Variants in NCKAP5L observed in about 807,000 individuals in gnomAD.
NCKAP5L encodes nck-associated protein 5-like.
NCKAP5L carries 54 observed loss-of-function variants against 103.2 expected under a neutral mutation model. The ratio of observed to expected loss-of-function variants is 0.52; its 90% CI spans 0.42 to 0.66. The LOEUF is 0.66. Among genes scored for constraint, NCKAP5L ranks in the 30% least tolerant of loss-of-function variants. The pLI, the probability that NCKAP5L is intolerant of heterozygous loss-of-function variation, is 0.00. For synonymous variants in NCKAP5L, 762 were observed against 748.6 expected (o/e 1.02, Z -0.29); for missense variants, 1,733 against 1,750.6 (o/e 0.99, Z 0.18).
At chr12:49,807,901 G>C (rs1375199273) in intron 1 of NCKAP5L, among the ~76,000 whole-genome samples, 1 of 152,226 alleles carries the variant, frequency 6.6e-6, no homozygotes, top group African/African-American at 2.4e-5. Context: ...TGAGGGAAAG[G>C]AATGGGATGA....
rs1415536436 is a variant in NCKAP5L, at chr12:49,796,801, G to C, written c.1059C>G (p.Asp353Glu). 2 of 1,613,608 alleles carry C rather than the reference G, an allele frequency of 1.2e-6. No homozygotes were observed. Among genetic ancestry groups the C allele is most frequent in the Non-Finnish European group, 1.7e-6 (2 of 1,179,832 alleles). ...AGGATGACTGCCCAGGACCTGGGTG[G>C]TCCCCATTGAGTGGGCCTGCAGCCC... Reference protein sequence around the residue: ...LAGAAGPLNGDHPGPGQSSSP... With the variant: ...LAGAAGPLNGEHPGPGQSSSP... Residue 353 changes from aspartate to glutamate, a missense_variant, in exon 8 of 13, where the codon GAC (aspartate) becomes GAG (glutamate). Coordinates refer to ENST00000335999, the MANE Select transcript of NCKAP5L (RefSeq NM_001037806.4).
intron 3 of NCKAP5L, 32 bp downstream of exon 3, chr12:49,803,890 C>T: frequency 6.3e-7 from 1 of 1,596,238 alleles, no homozygotes; most frequent in Non-Finnish European, 8.5e-7. Flanking sequence ...CTCTGGCTGG[C>T]ACTGCTGCCC....
intron 1 of NCKAP5L, among the ~76,000 whole-genome samples, chr12:49,819,269 G>A (rs1481909797): frequency 6.0e-5 from 9 of 150,204 alleles, no homozygotes; most frequent in African/African-American, 9.8e-5. Flanking sequence ...CTGAGATTGC[G>A]CCACTGCACT....
chr12:49,804,632 C>G (rs1343751958), intron 2 of NCKAP5L: 4 of 152,208 alleles, frequency 2.6e-5, no homozygotes, highest in Non-Finnish European at 5.9e-5. Context: ...GGCTTTGCGG[C>G]CAAAAGCCTC....
chr12:49,791,909 C>T lies in NCKAP5L; in HGVS notation c.3935G>A (p.Gly1312Glu), dbSNP rs912467865. The change falls in exon 13 of 13, where the codon GGG (glycine) becomes GAG (glutamate). Residue 1312 changes from glycine (G) to glutamate (E), a missense_variant. Physicochemically the swap from Gly to Glu is moderately conservative, Grantham distance 98. Coordinates refer to ENST00000335999, the MANE Select transcript of NCKAP5L (RefSeq NM_001037806.4). ...ACTGAGAGACTCCGAGGTCTCCAGCCCTGGGGGGCCCCCGCTGGCCACTCT... is the reference window on the plus strand; with the variant it reads ...ACTGAGAGACTCCGAGGTCTCCAGCTCTGGGGGGCCCCCGCTGGCCACTCT... ...EGRVASGGPP[G>E]LETSESLSDS... 15 of 1,612,216 alleles carry T rather than the reference C, an allele frequency of 9.3e-6. No individual in the cohort carries two copies. Among genetic ancestry groups the T allele is most frequent in the Non-Finnish European group, 1.3e-5 (15 of 1,179,498 alleles).
chr12:49,794,607 C>CCCCA lies in NCKAP5L; in HGVS notation c.3095+157_3095+158insTGGG, dbSNP rs1555147593. Among the ~76,000 whole-genome samples the CCCCA allele has an allele frequency of 1.4e-3, 165 of 117,744 alleles. 4 individuals are homozygous for CCCCA. Among genetic ancestry groups the CCCCA allele is most frequent in the African/African-American group, 6.3e-3 (160 of 25,250 alleles). 77.2% of individuals were successfully genotyped at this position (117,744 alleles called of 152,430 possible). On this transcript the variant is annotated intron_variant, in intron 8 of 12. Coordinates refer to ENST00000335999, the MANE Select transcript of NCKAP5L (RefSeq NM_001037806.4). ...CTTTCCTCCAGGCCAAGTCACTGAC[C>CCCCA]CCCCCACCAGCTGCTTTGGTGGCCT...
At chr12:49,809,353 C>T (rs1331819485) in intron 1 of NCKAP5L, among the ~76,000 whole-genome samples, 4 of 152,138 alleles carry the variant, frequency 2.6e-5, no homozygotes, top group East Asian at 1.9e-4. Flanking sequence ...GAGAGGCAGG[C>T]GGCAGCAAGC....
At chr12:49,823,647 TA>T (rs56135612) in intron 1 of NCKAP5L, among the ~76,000 whole-genome samples, 94 of 147,286 alleles carry the variant, frequency 6.4e-4, no homozygotes, top group African/African-American at 1.6e-3. Context: ...ATCTATACAT[TA>T]AAAAAAAAAA....
chr12:49,820,006 T>C (rs1377915984), intron 1 of NCKAP5L, among the ~76,000 whole-genome samples: 1 of 152,254 alleles, frequency 6.6e-6, no homozygotes, highest in Non-Finnish European at 1.5e-5. Context: ...TTGAAGGTGA[T>C]GGTTTCCTGC....
chr12:49,819,325 AAAT>A (rs1232528034), intron 1 of NCKAP5L, among the ~76,000 whole-genome samples: 1 of 147,296 alleles, frequency 6.8e-6, no homozygotes, highest in Non-Finnish European at 1.5e-5. Flanking sequence ...AAAAAAAAAA[AAAT>A]TAAAAACCCT....
At position 49,819,842 on chromosome 12, in the gene NCKAP5L, G is replaced by A. The variant is rs1946341462; in HGVS notation, c.-99+8480C>T. ...TTTTTCAGAATTGGAGACATCAAGT[G>A]AACAGAAGGTAAAGACAGGTGGGGT... On this transcript the variant is annotated intron_variant, in intron 1 of 12. Transcript: ENST00000335999. 2.0e-5 allele frequency among the ~76,000 whole-genome samples: 3 copies of A among 152,336 alleles called. No individual in the cohort carries two copies. The South Asian group carries it at 6.2e-4, about 32-fold the overall frequency.
chr12:49,824,036 G>C (rs1233281089), intron 1 of NCKAP5L, among the ~76,000 whole-genome samples: 145 of 152,346 alleles, frequency 9.5e-4, no homozygotes, highest in Non-Finnish European at 8.8e-5. Flanking sequence ...GGAAGGTGCT[G>C]AAGACAGGGG....
rs1286013515 is a variant in NCKAP5L at position 49,792,031 on chromosome 12, C to A, written c.3813G>T (p.Lys1271Asn). The A allele has an allele frequency of 3.2e-6, 5 of 1,557,230 alleles. No homozygotes were observed. In the African/African-American group the frequency reaches 5.5e-5, roughly 17 times the overall value. Residue 1271 changes from lysine to asparagine, a missense_variant, in exon 13 of 13, where the codon AAG (lysine) becomes AAT (asparagine). Physicochemically the swap from Lys to Asn is moderately conservative, Grantham distance 94. Coordinates refer to ENST00000335999, the MANE Select transcript of NCKAP5L (RefSeq NM_001037806.4). The surrounding 1 kb of genome is among the most constrained non-coding windows in gnomAD (Gnocchi z 4.5). ...RTPMALPVDR[K>N]RSQEPSRPSP... is the part of the protein sequence containing the mutation. The stretch of plus-strand genomic sequence containing the variant: ...ACGGGCGGCTGGGCTCCTGGCTTCG[C>A]TTCCGGTCCACGGGCAGGGCCTGGG...
chr12:49,824,902 G>T (rs1038608284), intron 1 of NCKAP5L, among the ~76,000 whole-genome samples: 1 of 152,232 alleles, frequency 6.6e-6, no homozygotes, highest in African/African-American at 2.4e-5. Context: ...AGCCCCTGGA[G>T]GGTCCTGCGA....
At chr12:49,793,257 C>T in intron 10 of NCKAP5L, 95 bp downstream of exon 10, 2 of 1,278,784 alleles carry the variant, frequency 1.6e-6, no homozygotes, top group Non-Finnish European at 2.2e-6. Context: ...GCACACAGAG[C>T]CTGGCACCTG....
chr12:49,791,920 C>T lies in NCKAP5L; in HGVS notation c.3924G>A (p.Gly1308=). 1 of 1,612,334 alleles carries T rather than the reference C, an allele frequency of 6.2e-7. No individual in the cohort carries two copies. The highest frequency in any genetic ancestry group is 8.5e-7 in the Non-Finnish European group (1 of 1,179,470). ...DMAEEGRVAS[G]GPPGLETSES... ...CCGAGGTCTCCAGCCCTGGGGGGCCCCCGCTGGCCACTCTGCCTTCCTCGG... is the reference window on the plus strand; with the variant it reads ...CCGAGGTCTCCAGCCCTGGGGGGCCTCCGCTGGCCACTCTGCCTTCCTCGG... Residue 1308 remains glycine (G), a synonymous_variant, in exon 13 of 13, where the codon GGG becomes GGA. Transcript: ENST00000335999.
intron 1 of NCKAP5L, among the ~76,000 whole-genome samples, chr12:49,823,691 A>G (rs1188506059): frequency 6.6e-6 from 1 of 151,714 alleles, no homozygotes. Flanking sequence ...CCCAGAGTTC[A>G]AGGACCAGCA....
intron 1 of NCKAP5L, among the ~76,000 whole-genome samples, chr12:49,822,331 G>A (rs185949207): frequency 9.9e-5 from 15 of 152,272 alleles, no homozygotes; most frequent in Admixed American, 9.2e-4. Context: ...CCAGAAACAG[G>A]AGAGCCGACA....
rs774122432 is a variant in NCKAP5L, at chr12:49,792,951, T to G, written c.3376A>C (p.Ile1126Leu). 18 of 1,558,472 alleles carry G rather than the reference T, an allele frequency of 1.2e-5. No homozygotes were observed. Among genetic ancestry groups the G allele is most frequent in the Non-Finnish European group, 1.6e-5 (18 of 1,159,896 alleles). ...TGGTCTGGGGGTGGGAAGGTCCCAA[T>G]GCCACTGTCCAAGGTTCGAGTCAAG... ...GSLTRTLDSG[I>L]GTFPPPDHGS... Residue 1126 changes from isoleucine (I) to leucine (L), a missense_variant, in exon 11 of 13, where the codon ATT becomes CTT. Coordinates refer to ENST00000335999, the MANE Select transcript of NCKAP5L (RefSeq NM_001037806.4). This position sits in a 1 kb window ranked among gnomAD's most constrained non-coding sequence, Gnocchi z 4.5.
Sources: allele counts gnomAD v4.1 joint callset (sites outside exome capture counted in the v4.1 genomes callset), GRCh38; gene constraint gnomAD v4.1.1; non-coding constraint Gnocchi (gnomAD v3.1); transcripts MANE v1.5; gene names NCBI Gene and HGNC (gene_info 2026-07-23, HGNC 2026-07-21).